Variants in CD72 observed in about 807,000 individuals in gnomAD.
CD72 encodes the protein CD72 molecule.
CD72 carries 28 observed loss-of-function variants against 50.7 expected under a neutral mutation model. That is an observed-to-expected ratio of 0.55 (90% confidence interval 0.41 to 0.76). The LOEUF is 0.76. Ranked by LOEUF, CD72 falls within the 30% of genes least tolerant of loss-of-function variation. The pLI is 0.00. For synonymous variants in CD72, 176 were observed against 171.2 expected, an observed-to-expected ratio of 1.03 and a Z score of -0.22; for missense variants, 403 against 420.6, an observed-to-expected ratio of 0.96 and a Z score of 0.37.
chr9:35,619,696 A>AG (rs541063175), upstream of CD72, among the ~76,000 whole-genome samples: 1 of 152,224 alleles, frequency 6.6e-6, no homozygotes, highest in African/African-American at 2.4e-5. Flanking sequence ...GCATGTTCCC[A>AG]GGACTTTGCA....
intron 1 of CD72, chr9:35,642,551 C>T (rs1460032399): frequency 4.6e-5 from 7 of 152,228 alleles, no homozygotes; most frequent in Non-Finnish European, 1.0e-4. Context: ...TCCCTCGGAC[C>T]TGTGTAAGGA....
At chr9:35,619,103 G>A (rs2131771824), upstream of CD72, among the ~76,000 whole-genome samples, 1 of 152,326 alleles carries the variant, frequency 6.6e-6, no homozygotes, top group South Asian at 2.1e-4. Context: ...TCTTGGTTTG[G>A]TTTTGGTTCG....
chr9:35,614,970 GAAGGGAGA>G (rs1823044016), intron 5 of CD72, among the ~76,000 whole-genome samples: 1 of 152,132 alleles, frequency 6.6e-6, no homozygotes, highest in Non-Finnish European at 1.5e-5. Context: ...GGACTGATGG[GAAGGGAGA>G]AAAAGGGGAG....
chr9:35,637,333 G>A (rs917845284), intron 1 of CD72, among the ~76,000 whole-genome samples: 2 of 152,158 alleles, frequency 1.3e-5, no homozygotes, highest in Non-Finnish European at 2.9e-5. Context: ...TCACACAGAC[G>A]TGCATGGCAT....
chr9:35,620,908 T>G (rs911030028), upstream of CD72, among the ~76,000 whole-genome samples: 2 of 152,216 alleles, frequency 1.3e-5, no homozygotes, highest in Non-Finnish European at 2.9e-5. Flanking sequence ...GTTCTATATT[T>G]TTCTCCTCTT....
upstream of CD72, among the ~76,000 whole-genome samples, chr9:35,623,933 A>C (rs921779194): frequency 6.6e-6 from 1 of 150,884 alleles, no homozygotes; most frequent in East Asian, 1.9e-4. Flanking sequence ...TGGGTTAAAA[A>C]GACAAATTTA....
intron 1 of CD72, among the ~76,000 whole-genome samples, chr9:35,631,019 C>T (rs756298000): frequency 2.0e-5 from 3 of 152,094 alleles, no homozygotes; most frequent in Admixed American, 1.3e-4. Context: ...TCATTATTAT[C>T]CTAAGAATTT....
Position 35,613,104 on chromosome 9 carries a change from T to C in CD72, c.689-111A>G, listed in dbSNP as rs547513792. ...AGCTAATCTCAGCACCTTCATGGACTTCTATGATCTTTGCAATCTTTCTTT... is the reference window on the plus strand; with the variant it reads ...AGCTAATCTCAGCACCTTCATGGACCTCTATGATCTTTGCAATCTTTCTTT... On this transcript the variant is annotated intron_variant, in intron 5 of 8. Coordinates refer to ENST00000259633, the MANE Select transcript of CD72 (RefSeq NM_001782.3). The C allele has an allele frequency of 4.6e-5, 39 of 853,070 alleles. No individual in the cohort carries two copies. In the Admixed American group the frequency reaches 5.3e-4, roughly 12 times the overall value. 52.8% of individuals were successfully genotyped at this position (853,070 alleles called of 1,614,324 possible). A position where few individuals can be genotyped will look rare whatever the true frequency, so the allele number is the denominator to read the frequency against.
upstream of CD72, among the ~76,000 whole-genome samples, chr9:35,619,087 A>G (rs752197578): frequency 1.6e-4 from 24 of 152,210 alleles, no homozygotes; most frequent in Non-Finnish European, 2.8e-4. Flanking sequence ...GGAGGTCTTG[A>G]CATTTTCTTG....
intron 1 of CD72, among the ~76,000 whole-genome samples, chr9:35,636,184 C>T (rs1823288178): frequency 6.6e-6 from 1 of 152,136 alleles, no homozygotes; most frequent in Non-Finnish European, 1.5e-5. Flanking sequence ...GACCTCTTTC[C>T]ACTACCACCC....
chr9:35,630,042 T>TTTTTTTTTC, intron 1 of CD72, among the ~76,000 whole-genome samples: 1 of 149,712 alleles, frequency 6.7e-6, no homozygotes, highest in Non-Finnish European at 1.5e-5. Flanking sequence ...TTTTCTTTTT[T>TTTTTTTTTC]TTTTTTTTTT....
intron 7 of CD72, 50 bp downstream of exon 7, chr9:35,611,754 A>G (rs1349578934): frequency 2.1e-6 from 2 of 965,004 alleles, no homozygotes; most frequent in Admixed American, 1.7e-5. Flanking sequence ...CCATGTCTTT[A>G]TGGAGGGGAT....
At chr9:35,644,206 C>T (rs1342188968) in intron 1 of CD72, among the ~76,000 whole-genome samples, 1 of 151,620 alleles carries the variant, frequency 6.6e-6, no homozygotes, top group Non-Finnish European at 1.5e-5. Context: ...ATTAGCCAGG[C>T]ATGGTGGCGA....
intron 1 of CD72, among the ~76,000 whole-genome samples, chr9:35,644,350 CAAAAAAAAA>C (rs74176726): frequency 7.3e-5 from 5 of 68,196 alleles, no homozygotes; most frequent in East Asian, 1.1e-3. Context: ...AACTCTGTCT[CAAAAAAAAA>C]AAAAAAAAAA....
intron 7 of CD72, among the ~76,000 whole-genome samples, chr9:35,611,037 G>A (rs1220454956): frequency 6.6e-6 from 1 of 152,174 alleles, no homozygotes; most frequent in South Asian, 2.1e-4. Context: ...GGATCACAAG[G>A]TCAGGACATC....
In CD72 at chr9:35,612,853, G is replaced by T. The variant is rs1341601375; in HGVS notation, c.829C>A (p.Gln277Lys). The T allele has an allele frequency of 6.2e-7, 1 of 1,613,962 alleles. No individual in the cohort carries two copies. Among genetic ancestry groups the T allele is most frequent in the African/African-American group, 1.3e-5 (1 of 74,926 alleles). ...KLATFSEIYP[Q>K]SHSYYFLNSL... Reference sequence around the variant, plus strand: ...GTGAGTAAGGATATGCTTACTGATTGTGGATAAATTTCACTGAATGTGGCC... The same window carrying T: ...GTGAGTAAGGATATGCTTACTGATTTTGGATAAATTTCACTGAATGTGGCC... The change falls in exon 6 of 9, where the codon CAA (glutamine) becomes AAA (lysine). Residue 277 changes from glutamine (Q) to lysine (K), a missense_variant. Coordinates refer to ENST00000259633, the MANE Select transcript of CD72 (RefSeq NM_001782.3).
intron 1 of CD72, among the ~76,000 whole-genome samples, chr9:35,634,328 A>G (rs368154335): frequency 1.3e-5 from 2 of 151,976 alleles, no homozygotes; most frequent in Non-Finnish European, 1.5e-5. Flanking sequence ...ATTACCTTCT[A>G]TTTCCTCCCC....
At chr9:35,611,781 C>T (rs1822990006) in intron 7 of CD72, 23 bp downstream of exon 7, 2 of 1,279,238 alleles carry the variant, frequency 1.6e-6, no homozygotes, top group Admixed American at 1.7e-5. Context: ...GTTGAAAATA[C>T]CCAGAAGTCC....
chr9:35,626,552 AC>A (rs1164897040), intron 1 of CD72, among the ~76,000 whole-genome samples: 1 of 152,244 alleles, frequency 6.6e-6, no homozygotes, highest in African/African-American at 2.4e-5. Flanking sequence ...ATAAAATGCT[AC>A]CAAACATTGC....
Sources: allele counts gnomAD v4.1 joint callset (sites outside exome capture counted in the v4.1 genomes callset), GRCh38; gene constraint gnomAD v4.1.1; transcripts MANE v1.5; gene names NCBI Gene and HGNC (gene_info 2026-07-23, HGNC 2026-07-21).